FAM149A: variants seen among roughly 807,000 people sequenced by gnomAD.
FAM149A encodes family with sequence similarity 149 member A, also known as protein FAM149A.
FAM149A carries 71 observed loss-of-function variants against 78.2 expected under a neutral mutation model. The observed-to-expected ratio is 0.91, with a 90% CI of 0.75 to 1.11. The LOEUF (loss-of-function observed/expected upper bound fraction) is 1.11. Among genes scored for constraint, FAM149A ranks in the 50% least tolerant of loss-of-function variants. The pLI is 0.00. For synonymous variants in FAM149A, 446 were observed against 410.5 expected, an observed-to-expected ratio of 1.09 and a Z score of -1.04; for missense variants, 1,036 against 971.0, an observed-to-expected ratio of 1.07 and a Z score of -0.89.
chr4:186,136,958 C>T lies in FAM149A; in HGVS notation c.567-12215C>T, dbSNP rs375681771. ...TTGATCTCTCTCTCTCTCTCTCTCT[C>T]TCTCTTTCTCTCTCTCTTTCTCTCT... is the stretch of plus-strand genomic sequence containing the variant. On this transcript the variant is annotated intron_variant, in intron 1 of 13. Transcript: ENST00000389354. 5.4e-3 allele frequency among the ~76,000 whole-genome samples: 558 copies of T among 102,798 alleles called. 17 individuals are homozygous for T. Among genetic ancestry groups the T allele is most frequent in the African/African-American group, 0.011 (253 of 22,764 alleles). 67.4% of individuals were successfully genotyped at this position (102,798 alleles called of 152,430 possible). A position where few individuals can be genotyped will look rare whatever the true frequency, so the allele number is the denominator to read the frequency against.
At chr4:186,154,319 C>T (rs569510171) in intron 5 of FAM149A, 149 bp from the exon 6 acceptor site, 4 of 593,296 alleles carry the variant, frequency 6.7e-6, no homozygotes, top group Non-Finnish European at 1.1e-5. Flanking sequence ...TTTTTAAGGA[C>T]GTGAGTTTTG....
At position 186,144,834 on chromosome 4, in the gene FAM149A, G is replaced by T. The variant is rs1195206709; in HGVS notation, c.567-4339G>T. The T allele has an allele frequency of 8.2e-5, 81 of 982,718 alleles. No homozygotes were observed. The highest frequency in any genetic ancestry group is 9.8e-5 in the Non-Finnish European group (81 of 828,892). 60.9% of individuals were successfully genotyped at this position (982,718 alleles called of 1,614,324 possible). A position where few individuals can be genotyped will look rare whatever the true frequency, so the allele number is the denominator to read the frequency against. On this transcript the variant is annotated intron_variant, in intron 1 of 13. Coordinates refer to ENST00000389354, the MANE Select transcript of FAM149A (RefSeq NM_001367768.3). This position sits in a 1 kb window ranked among gnomAD's most constrained non-coding sequence, Gnocchi z 4.2. ...GGAGGAGGGGAGGCGGCGCCGGCGC[G>T]GGCGGGGCGGAGGATCTGGAGAGGG...
At chr4:186,134,722 T>C (rs1372726481) in intron 1 of FAM149A, among the ~76,000 whole-genome samples, 1 of 152,200 alleles carries the variant, frequency 6.6e-6, no homozygotes, top group African/African-American at 2.4e-5. Flanking sequence ...AGGGAAAGCC[T>C]AGCAGCCTCG....
At chr4:186,109,448 G>A in intron 1 of FAM149A, 1 of 981,898 alleles carries the variant, frequency 1.0e-6, no homozygotes, top group Non-Finnish European at 1.2e-6. Context: ...CTCTGACACT[G>A]AGGCAGCCTC....
rs1363402644 is a variant in FAM149A at position 186,172,756 on chromosome 4, T to C, written c.*769T>C. ...CCACGTGCCATCAGGAGCTGGCCTT[T>C]GCCCAGACGCCACCACTGCAATGAC... On this transcript the variant is annotated 3_prime_UTR_variant, in exon 14 of 14. Coordinates refer to ENST00000389354, the MANE Select transcript of FAM149A (RefSeq NM_001367768.3). 1 of 112,180 alleles carries C rather than the reference T, an allele frequency of 8.9e-6. No homozygotes were observed. Among genetic ancestry groups the C allele is most frequent in the African/African-American group, 2.8e-5 (1 of 35,684 alleles). The allele number at this position is 112,180 out of a possible 1,614,324, so 6.9% of individuals were successfully genotyped here.
intron 1 of FAM149A, among the ~76,000 whole-genome samples, chr4:186,136,988 C>CTCTCTCTCTCTCTCTT (rs2099323424): frequency 8.2e-5 from 10 of 121,598 alleles, no homozygotes; most frequent in Admixed American, 2.5e-4. Context: ...CTCTCTCTCT[C>CTCTCTCTCTCTCTCTT]TCTCTCTCTC....
In FAM149A at chr4:186,172,212, C is replaced by CTACA; in HGVS notation, c.*226_*227insACAT. On this transcript the variant is annotated 3_prime_UTR_variant, in exon 14 of 14. Transcript: ENST00000389354. The stretch of plus-strand genomic sequence containing the variant: ...CCTTGCTGAAAGCATCTCCAAGGTT[C>CTACA]TGTAGGCTTTGTTCAGAAGCCCCTG... The CTACA allele has an allele frequency of 1.9e-6, 1 of 529,324 alleles. No homozygotes were observed. The highest frequency in any genetic ancestry group is 3.1e-6 in the Non-Finnish European group (1 of 325,958). 32.8% of individuals were successfully genotyped at this position (529,324 alleles called of 1,614,324 possible). A position where few individuals can be genotyped will look rare whatever the true frequency, so the allele number is the denominator to read the frequency against.
intron 4 of FAM149A, among the ~76,000 whole-genome samples, chr4:186,152,836 G>A (rs529154214): frequency 2.6e-5 from 4 of 152,222 alleles, no homozygotes; most frequent in South Asian, 2.1e-4. Flanking sequence ...GAGCCACCGC[G>A]CCCGGCCAAA....
chr4:186,116,930 T>C (rs1384646495), intron 1 of FAM149A: 1 of 191,924 alleles, frequency 5.2e-6, no homozygotes, highest in South Asian at 1.8e-4. Context: ...TAAATTAGTA[T>C]AGTTTTTAGA....
intron 1 of FAM149A, among the ~76,000 whole-genome samples, chr4:186,135,765 C>G (rs1024028086): frequency 6.6e-6 from 1 of 152,196 alleles, no homozygotes; most frequent in Admixed American, 6.5e-5. Flanking sequence ...CCAGATCACC[C>G]ACAACAAGCA....
At position 186,164,919 on chromosome 4, in the gene FAM149A, A is replaced by G. The variant is rs531558456; in HGVS notation, c.1890-425A>G. Among the ~76,000 whole-genome samples the G allele has an allele frequency of 1.3e-5, 2 of 152,172 alleles. No individual in the cohort carries two copies. The highest frequency in any genetic ancestry group is 1.3e-4 in the Admixed American group (2 of 15,278). ...TCCCTACACATGGAATTGTAGTCCC[A>G]CAGACAGCCTGTTTGTCTGTGTGCA... is the stretch of plus-strand genomic sequence containing the variant. On this transcript the variant is annotated intron_variant, in intron 10 of 13. Transcript: ENST00000389354. This position sits in a 1 kb window ranked among gnomAD's most constrained non-coding sequence, Gnocchi z 4.0.
At chr4:186,118,250 C>G (rs1353618922) in intron 1 of FAM149A, 5 of 984,994 alleles carry the variant, frequency 5.1e-6, no homozygotes, top group Non-Finnish European at 6.0e-6. Flanking sequence ...TTTCAAGACC[C>G]TCTGAAATGA....
intron 1 of FAM149A, among the ~76,000 whole-genome samples, chr4:186,147,547 C>A (rs1282962579): frequency 9.9e-5 from 15 of 152,132 alleles, no homozygotes; most frequent in Admixed American, 8.5e-4. Context: ...CAAATTTGAA[C>A]CCCCCATTAT....
Position 186,129,062 on chromosome 4 carries a change from T to A in FAM149A, c.567-20111T>A, listed in dbSNP as rs560454284. 3.3e-5 allele frequency among the ~76,000 whole-genome samples: 5 copies of A among 152,172 alleles called. No homozygotes were observed. In the South Asian group the frequency reaches 8.3e-4, roughly 25 times the overall value. ...GTATGAATGTGTGTCTGTGTGTGTA[T>A]CTGTCACTTTGTGTCCATGTATGTG... is the stretch of plus-strand genomic sequence containing the variant. On this transcript the variant is annotated intron_variant, in intron 1 of 13. Coordinates refer to ENST00000389354, the MANE Select transcript of FAM149A (RefSeq NM_001367768.3).
chr4:186,126,550 G>A (rs1295498317), intron 1 of FAM149A, among the ~76,000 whole-genome samples: 5 of 152,234 alleles, frequency 3.3e-5, no homozygotes, highest in East Asian at 3.9e-4. Context: ...TCTTGATCTC[G>A]GACATCCAAC....
At chr4:186,108,224 C>G (rs1283051628) in intron 1 of FAM149A, among the ~76,000 whole-genome samples, 1 of 144,518 alleles carries the variant, frequency 6.9e-6, no homozygotes, top group Non-Finnish European at 1.5e-5. Context: ...TGGGTAATGT[C>G]AGAGAAAAAG....
chr4:186,151,681 T>C (rs1733598550), intron 3 of FAM149A: 1 of 979,022 alleles, frequency 1.0e-6, no homozygotes, highest in Non-Finnish European at 1.2e-6. Flanking sequence ...AGAAGTTTTC[T>C]CTATTTAACA....
At chr4:186,158,368 T>C in intron 8 of FAM149A, 1 of 1,204,668 alleles carries the variant, frequency 8.3e-7, no homozygotes, top group Non-Finnish European at 1.1e-6. Flanking sequence ...CGCCATCCCG[T>C]GCAACAAGGG....
Position 186,144,058 on chromosome 4 carries a change from A to T in FAM149A, c.567-5115A>T, listed in dbSNP as rs1466805487. On this transcript the variant is annotated intron_variant, in intron 1 of 13. Transcript: ENST00000389354. This position sits in a 1 kb window ranked among gnomAD's most constrained non-coding sequence, Gnocchi z 4.2. ...TGTTGTACCGGCACCCAGTGCACTA[A>T]CTGTCATTACTAAAATCCCTGTCGT... 2 of 152,104 alleles carry T rather than the reference A, an allele frequency of 1.3e-5. No homozygotes were observed. The highest frequency in any genetic ancestry group is 2.9e-5 in the Non-Finnish European group (2 of 68,026). 9.4% of individuals were successfully genotyped at this position (152,104 alleles called of 1,614,324 possible).
Sources: allele counts gnomAD v4.1 joint callset (sites outside exome capture counted in the v4.1 genomes callset), GRCh38; gene constraint gnomAD v4.1.1; non-coding constraint Gnocchi (gnomAD v3.1); transcripts MANE v1.5; gene names NCBI Gene and HGNC (gene_info 2026-07-23, HGNC 2026-07-21).